IL18R1: variants seen among roughly 807,000 people sequenced by gnomAD.
IL18R1 encodes interleukin 18 receptor 1.
Under a neutral mutation model 48.5 loss-of-function variants are expected in IL18R1, and 40 were observed. The observed-to-expected ratio is 0.82, with a 90% CI of 0.64 to 1.07. The LOEUF is 1.07. IL18R1 is among the 50% of genes least tolerant of loss of function. IL18R1 has a pLI of 0.00. For missense variants in IL18R1, 596 were observed against 633.7 expected (o/e 0.94, Z 0.64); for synonymous variants, 232 against 225.9 (o/e 1.03, Z -0.24).
chr2:102,370,244 T>C (rs1241676150), intron 3 of IL18R1, among the ~76,000 whole-genome samples: 1 of 152,210 alleles, frequency 6.6e-6, no homozygotes, highest in East Asian at 1.9e-4. Flanking sequence ...TGGAGTGTCA[T>C]CAGTCCTCTA....
At chr2:102,396,038 G>T (rs930661050) in intron 10 of IL18R1, among the ~76,000 whole-genome samples, 1 of 152,110 alleles carries the variant, frequency 6.6e-6, no homozygotes, top group Non-Finnish European at 1.5e-5. Flanking sequence ...GTTTTGTTTT[G>T]TTGTGCCTTT....
Position 102,396,792 on chromosome 2 carries a change from G to T in IL18R1, c.1532G>T (p.Arg511Met), listed in dbSNP as rs1192592049. 4 of 1,613,984 alleles carry T rather than the reference G, an allele frequency of 2.5e-6. No individual in the cohort carries two copies. The highest frequency in any genetic ancestry group is 3.4e-6 in the Non-Finnish European group (4 of 1,179,956). Residue 511 changes from arginine to methionine, a missense_variant, in exon 11 of 11, where the codon AGG becomes ATG. This residue lies in a region of IL18R1 where 179 missense variants were observed against 206.1 expected (regional missense o/e 0.87). Coordinates refer to ENST00000233957, the MANE Select transcript of IL18R1 (RefSeq NM_003855.5). ...KADKSLSYNS[R>M]FWKNLLYLMP... Reference sequence around the variant, plus strand: ...GATAAATCTCTTTCTTATAACTCAAGGTTCTGGAAGAACCTTCTTTACTTA... The same window carrying T: ...GATAAATCTCTTTCTTATAACTCAATGTTCTGGAAGAACCTTCTTTACTTA...
At chr2:102,391,237 C>T (rs1422384347) in intron 9 of IL18R1, among the ~76,000 whole-genome samples, 1 of 152,086 alleles carries the variant, frequency 6.6e-6, no homozygotes, top group African/African-American at 2.4e-5. Flanking sequence ...CAGTAGCCCC[C>T]CTTCCAGCCT....
At chr2:102,359,898 G>A (rs1464685947) in intron 1 of IL18R1, among the ~76,000 whole-genome samples, 1 of 152,196 alleles carries the variant, frequency 6.6e-6, no homozygotes, top group Non-Finnish European at 1.5e-5. Context: ...ACTTGCAATA[G>A]TAACTCATTT....
At chr2:102,359,949 T>C (rs928870430) in intron 1 of IL18R1, among the ~76,000 whole-genome samples, 5 of 152,214 alleles carry the variant, frequency 3.3e-5, no homozygotes, top group African/African-American at 1.2e-4. Flanking sequence ...TATTATCCCC[T>C]TCTATAGATA....
chr2:102,388,285 G>A (rs907806734), intron 8 of IL18R1, among the ~76,000 whole-genome samples: 2 of 152,202 alleles, frequency 1.3e-5, no homozygotes, highest in African/African-American at 4.8e-5. Flanking sequence ...GACAGGATCT[G>A]GGTGAAGTTC....
At position 102,381,693 on chromosome 2, in the gene IL18R1, A is replaced by G; in HGVS notation, c.688+11A>G. On this transcript the variant is annotated intron_variant, in intron 6 of 10. Coordinates refer to ENST00000233957, the MANE Select transcript of IL18R1 (RefSeq NM_003855.5). ...TTGCAGTGGAATTAGGTATATTTCA[A>G]TATACATATATTCTGCATTTATAAG... The G allele has an allele frequency of 6.3e-7, 1 of 1,576,652 alleles. No individual in the cohort carries two copies.
intron 4 of IL18R1, 125 bp from the exon 5 acceptor site, chr2:102,375,782 C>A: frequency 1.7e-6 from 1 of 593,052 alleles, no homozygotes; most frequent in Non-Finnish European, 2.8e-6. Context: ...GACATATGTC[C>A]AGGAATTGCT....
chr2:102,368,921 A>G (rs1679074216), intron 3 of IL18R1, among the ~76,000 whole-genome samples: 1 of 152,180 alleles, frequency 6.6e-6, no homozygotes, highest in African/African-American at 2.4e-5. Context: ...TGCTGTTGAG[A>G]GCAGAGTGAG....
intron 1 of IL18R1, among the ~76,000 whole-genome samples, chr2:102,359,037 G>C (rs111866185): frequency 6.6e-6 from 1 of 152,102 alleles, no homozygotes; most frequent in Non-Finnish European, 1.5e-5. Context: ...GTGTGTGTGC[G>C]TGTGTGTGCA....
At chr2:102,369,494 A>C (rs1219655751) in intron 3 of IL18R1, among the ~76,000 whole-genome samples, 1 of 152,208 alleles carries the variant, frequency 6.6e-6, no homozygotes, top group African/African-American at 2.4e-5. Flanking sequence ...TGGATATTGG[A>C]GACTGATCAC....
intron 6 of IL18R1, among the ~76,000 whole-genome samples, chr2:102,382,872 T>A (rs1481501449): frequency 6.6e-6 from 1 of 152,204 alleles, no homozygotes; most frequent in Non-Finnish European, 1.5e-5. Flanking sequence ...GCTTAACTTG[T>A]ATCTTTTGTT....
intron 8 of IL18R1, among the ~76,000 whole-genome samples, chr2:102,389,505 G>A (rs775905452): frequency 2.6e-5 from 4 of 152,098 alleles, no homozygotes; most frequent in Admixed American, 6.5e-5. Flanking sequence ...ACTACTTTTT[G>A]TGTAATATTT....
intron 4 of IL18R1, among the ~76,000 whole-genome samples, chr2:102,374,694 C>T (rs935892148): frequency 7.9e-5 from 12 of 151,914 alleles, no homozygotes; most frequent in Non-Finnish European, 1.3e-4. Context: ...AGGAGAATCA[C>T]TTGAACCCGG....
intron 1 of IL18R1, among the ~76,000 whole-genome samples, chr2:102,356,948 A>G (rs754147493): frequency 7.9e-5 from 12 of 152,166 alleles, no homozygotes; most frequent in Admixed American, 1.3e-4. Flanking sequence ...TGAGGTGTCA[A>G]TTGCAGCCAG....
rs1680902561 is a variant in IL18R1, at chr2:102,397,847, T to A, written c.*961T>A. ...GAGTTTGCTACTTACTTCTGTGGCC[T>A]CTGGAACCTTATCCAACCTCTTGGT... On this transcript the variant is annotated 3_prime_UTR_variant, in exon 11 of 11. Transcript: ENST00000233957. The A allele has an allele frequency of 6.6e-6, 1 of 152,310 alleles. No individual in the cohort carries two copies. The highest frequency in any genetic ancestry group is 1.5e-5 in the Non-Finnish European group (1 of 68,044). 9.4% of individuals were successfully genotyped at this position (152,310 alleles called of 1,614,324 possible).
intron 2 of IL18R1, among the ~76,000 whole-genome samples, chr2:102,366,447 CA>C (rs1678904610): frequency 6.6e-6 from 1 of 152,172 alleles, no homozygotes; most frequent in Non-Finnish European, 1.5e-5. Context: ...TAGGAAGTTC[CA>C]AACTTTTCCA....
intron 7 of IL18R1, 57 bp from the exon 8 acceptor site, chr2:102,386,804 T>C: frequency 6.4e-7 from 1 of 1,562,766 alleles, no homozygotes; most frequent in Non-Finnish European, 8.8e-7. Context: ...ACATGTGAAT[T>C]CCCCTCTCAA....
chr2:102,369,005 A>G (rs966980811), intron 3 of IL18R1, among the ~76,000 whole-genome samples: 3 of 152,182 alleles, frequency 2.0e-5, no homozygotes, highest in Admixed American at 1.3e-4. Flanking sequence ...GTTTTTATAC[A>G]TAGGAACTCC....
Sources: allele counts gnomAD v4.1 joint callset (sites outside exome capture counted in the v4.1 genomes callset), GRCh38; gene constraint gnomAD v4.1.1; regional missense constraint gnomAD v4.1.1; transcripts MANE v1.5; gene names NCBI Gene and HGNC (gene_info 2026-07-23, HGNC 2026-07-21).